DLG1: variants seen among roughly 807,000 people sequenced by gnomAD.
The protein encoded by DLG1 is discs large MAGUK scaffold protein 1, also known as disks large homolog 1.
DLG1 carries 42 observed loss-of-function variants against 123.4 expected under a neutral mutation model. The observed-to-expected ratio is 0.34, with a 90% CI of 0.27 to 0.44. DLG1 has a LOEUF of 0.44. DLG1 is among the 20% of genes least tolerant of loss of function. DLG1 has a pLI of 1.00. For synonymous variants in DLG1, 317 were observed against 356.2 expected (o/e 0.89, Z 1.24); for missense variants, 942 against 1,082.6 (o/e 0.87, Z 1.82).
intron 3 of DLG1, among the ~76,000 whole-genome samples, chr3:197,294,657 CA>C (rs71926647): frequency 0.42 from 33,571 of 79,178 alleles, 4,018 homozygotes; most frequent in African/African-American, 0.53. Context: ...GACTCTGCCT[CA>C]AAAAAAAAAA....
At chr3:197,173,869 C>A (rs963356180) in intron 5 of DLG1, among the ~76,000 whole-genome samples, 1 of 152,084 alleles carries the variant, frequency 6.6e-6, no homozygotes, top group Non-Finnish European at 1.5e-5. Flanking sequence ...TTTGGGAGGC[C>A]GAGGCAGGCA....
intron 4 of DLG1, among the ~76,000 whole-genome samples, chr3:197,227,261 TCAGGAGTTCGAGACCAGCCTGGC>T (rs1740436169): frequency 6.6e-6 from 1 of 152,004 alleles, no homozygotes. Context: ...CATCTGAGGG[TCAGGAGTTCGAGACCAGCCTGGC>T]CAACATGGTG....
chr3:197,195,885 A>G (rs1026357823), intron 4 of DLG1, among the ~76,000 whole-genome samples: 30 of 152,046 alleles, frequency 2.0e-4, no homozygotes, highest in African/African-American at 7.0e-4. Flanking sequence ...AAATAAAAGT[A>G]GAAAAAAATG....
chr3:197,175,287 A>T (rs1806412920), intron 5 of DLG1, among the ~76,000 whole-genome samples: 2 of 152,234 alleles, frequency 1.3e-5, no homozygotes, highest in African/African-American at 4.8e-5. Context: ...TTGCTATAAA[A>T]ATGGAGGGCT....
Position 197,065,202 on chromosome 3 carries a change from A to G in DLG1, c.2373+74T>C, listed in dbSNP as rs145364594. The G allele has an allele frequency of 8.7e-6, 12 of 1,382,124 alleles. No individual in the cohort carries two copies. In the African/African-American group the frequency reaches 1.2e-4, roughly 14 times the overall value. The allele number at this position is 1,382,124 out of a possible 1,614,324, so 85.6% of individuals were successfully genotyped here. On this transcript the variant is annotated intron_variant, in intron 22 of 24. Transcript: ENST00000667157. ...AACAAAACTAATTAGTGCTGTATCT[A>G]TCCTACCAGTCTTGCATACTGTCAA...
intron 3 of DLG1, among the ~76,000 whole-genome samples, chr3:197,291,549 A>G (rs1774931837): frequency 6.6e-6 from 1 of 152,238 alleles, no homozygotes; most frequent in African/African-American, 2.4e-5. Flanking sequence ...AAAGATTACT[A>G]ACCCTAAAGA....
intron 11 of DLG1, among the ~76,000 whole-genome samples, chr3:197,127,649 T>C (rs1780437314): frequency 6.6e-6 from 1 of 151,022 alleles, no homozygotes; most frequent in Admixed American, 6.6e-5. Context: ...AAAATCCCTT[T>C]AATTTTAGAT....
intron 19 of DLG1, among the ~76,000 whole-genome samples, chr3:197,067,120 G>GTATT (rs370016277): frequency 2.9e-4 from 44 of 151,972 alleles, no homozygotes; most frequent in African/African-American, 1.0e-3. Context: ...ATCTATCTAC[G>GTATT]TATTAGGTAA....
chr3:197,093,222 G>T (rs1440002056), intron 14 of DLG1, among the ~76,000 whole-genome samples: 1 of 151,646 alleles, frequency 6.6e-6, no homozygotes, highest in Non-Finnish European at 1.5e-5. Context: ...GCAGTGGCGC[G>T]ATCTTGGCTC....
chr3:197,068,394 T>TA, intron 19 of DLG1: 1 of 741,528 alleles, frequency 1.3e-6, no homozygotes, highest in South Asian at 1.7e-5. Flanking sequence ...AAAAAAAAAA[T>TA]CATTAAGTAA....
chr3:197,067,282 C>T (rs2148898717), intron 19 of DLG1, among the ~76,000 whole-genome samples: 1 of 151,898 alleles, frequency 6.6e-6, no homozygotes, highest in East Asian at 1.9e-4. Context: ...ATGAAAAATT[C>T]ACTAACTCAA....
At chr3:197,158,388 C>T (rs1475247429) in intron 5 of DLG1, among the ~76,000 whole-genome samples, 2 of 149,642 alleles carry the variant, frequency 1.3e-5, no homozygotes, top group African/African-American at 4.9e-5. Context: ...TTTGGGAGGC[C>T]GAGGCAGGCG....
chr3:197,296,709 T>G (rs910021710), intron 2 of DLG1: 1 of 426,996 alleles, frequency 2.3e-6, no homozygotes, highest in African/African-American at 2.0e-5. Context: ...CGGAGGAGAG[T>G]GAGCAGTTTG....
At position 197,261,752 on chromosome 3, in the gene DLG1, T is replaced by C. The variant is rs1759541918; in HGVS notation, c.318+20927A>G. Among the ~76,000 whole-genome samples the C allele has an allele frequency of 3.3e-5, 5 of 152,146 alleles. No individual in the cohort carries two copies. In the South Asian group the frequency reaches 1.0e-3, roughly 32 times the overall value. ...TATCAAATAGTAAGCATTATCAATGTTGTTATTACTATTATTAGTATGTAT... is the reference window on the plus strand; with the variant it reads ...TATCAAATAGTAAGCATTATCAATGCTGTTATTACTATTATTAGTATGTAT... On this transcript the variant is annotated intron_variant, in intron 4 of 24. Transcript: ENST00000667157.
Position 197,213,119 on chromosome 3 carries a change from T to A in DLG1, c.319-18530A>T, listed in dbSNP as rs1444194942. 3.3e-5 allele frequency among the ~76,000 whole-genome samples: 5 copies of A among 152,242 alleles called. No individual in the cohort carries two copies. In the South Asian group the frequency reaches 8.3e-4, roughly 25 times the overall value. ...CCACACAAAAACTTGTACATGAAGA[T>A]CCCTAACACCTTCATTCAAAATAGC... On this transcript the variant is annotated intron_variant, in intron 4 of 24. Transcript: ENST00000667157.
At chr3:197,169,702 A>G (rs1182744706) in intron 5 of DLG1, among the ~76,000 whole-genome samples, 1 of 152,216 alleles carries the variant, frequency 6.6e-6, no homozygotes, top group East Asian at 1.9e-4. Context: ...AACACGTTAT[A>G]TGAAGGGGGT....
At chr3:197,047,315 G>A (rs1724008185) in intron 24 of DLG1, among the ~76,000 whole-genome samples, 1 of 152,140 alleles carries the variant, frequency 6.6e-6, no homozygotes. Context: ...ACCTATAAAT[G>A]TGGTAAAATG....
chr3:197,281,258 C>T (rs1011858152), intron 4 of DLG1, among the ~76,000 whole-genome samples: 2 of 152,074 alleles, frequency 1.3e-5, no homozygotes, highest in African/African-American at 2.4e-5. Flanking sequence ...AGGCTGGTCT[C>T]AAACTCCTGA....
At position 197,286,453 on chromosome 3, in the gene DLG1, G is replaced by A. The variant is rs186641435; in HGVS notation, c.152-3608C>T. ...TAGATCCCTTGCACGCGCAGTTCAC[G>A]ACAGGGTTCATGCTCCTGTGAGAAT... On this transcript the variant is annotated intron_variant, in intron 3 of 24. Transcript: ENST00000667157. 1.8e-3 allele frequency among the ~76,000 whole-genome samples: 272 copies of A among 152,308 alleles called. 2 individuals carry two copies. The highest frequency in any genetic ancestry group is 6.1e-3 in the African/African-American group (252 of 41,564).
Sources: gnomAD v4.1 joint callset for allele counts (sites outside exome capture counted in the v4.1 genomes callset) on GRCh38, gnomAD v4.1.1 for gene constraint, MANE v1.5 for transcripts, NCBI Gene and HGNC (gene_info 2026-07-23, HGNC 2026-07-21) for gene names.